The following KAZN variants were observed in gnomAD, a reference collection of about 807,000 sequenced individuals.
KAZN encodes kazrin, periplakin interacting protein, also known as kazrin.
KAZN carries 40 observed loss-of-function variants against 87.4 expected under a neutral mutation model. The observed-to-expected ratio is 0.46, with a 90% CI of 0.36 to 0.60. The LOEUF (loss-of-function observed/expected upper bound fraction) is 0.60. Among genes scored for constraint, KAZN ranks in the 20% least tolerant of loss-of-function variants. KAZN has a pLI of 0.00. For missense variants in KAZN, 898 were observed against 1,073.9 expected (o/e 0.84, Z 2.29); for synonymous variants, 466 against 458.3 (o/e 1.02, Z -0.22).
chr1:15,010,056 T>A (rs181420978), intron 2 of KAZN, among the ~76,000 whole-genome samples: 1 of 152,372 alleles, frequency 6.6e-6, no homozygotes, highest in African/African-American at 2.4e-5. Flanking sequence ...GATCCAAATA[T>A]CCACACAGTG....
chr1:14,189,347 A>C (rs1035982995), intron 2 of KAZN, among the ~76,000 whole-genome samples: 1 of 152,182 alleles, frequency 6.6e-6, no homozygotes, highest in Non-Finnish European at 1.5e-5. Context: ...AGTACAAAAC[A>C]AAGAGGAGCT....
intron 1 of KAZN, among the ~76,000 whole-genome samples, chr1:13,929,877 CAGT>C (rs1557727514): frequency 6.6e-6 from 1 of 152,178 alleles, no homozygotes; most frequent in East Asian, 1.9e-4. Context: ...CAACTGCCTG[CAGT>C]AGGTATTATT....
intron 2 of KAZN, among the ~76,000 whole-genome samples, chr1:14,984,851 T>G (rs1219655464): frequency 6.6e-6 from 1 of 151,782 alleles, no homozygotes; most frequent in Non-Finnish European, 1.5e-5. Context: ...ATAAAAGAAA[T>G]GGGTGATTCA....
At chr1:14,082,593 G>A (rs1643720922) in intron 1 of KAZN, among the ~76,000 whole-genome samples, 1 of 152,196 alleles carries the variant, frequency 6.6e-6, no homozygotes. Flanking sequence ...AACAAAATTA[G>A]ACCGAGTGCT....
intron 2 of KAZN, among the ~76,000 whole-genome samples, chr1:14,593,315 A>G (rs1443504292): frequency 2.0e-5 from 3 of 152,208 alleles, no homozygotes; most frequent in Non-Finnish European, 4.4e-5. Context: ...ATCAACCACA[A>G]ACTCTTTGGA....
intron 2 of KAZN, among the ~76,000 whole-genome samples, chr1:14,587,234 G>C: frequency 6.6e-6 from 1 of 151,948 alleles, no homozygotes; most frequent in Non-Finnish European, 1.5e-5. Flanking sequence ...TCAGGAGTTC[G>C]AGACCTGCCT....
chr1:14,172,266 G>T (rs1248841787), intron 1 of KAZN, among the ~76,000 whole-genome samples: 2 of 152,224 alleles, frequency 1.3e-5, no homozygotes, highest in African/African-American at 4.8e-5. Flanking sequence ...GCACTGTTTA[G>T]TTGAAATGTC....
chr1:14,095,318 C>G (rs1644103650), intron 1 of KAZN, among the ~76,000 whole-genome samples: 1 of 152,168 alleles, frequency 6.6e-6, no homozygotes, highest in Admixed American at 6.5e-5. Flanking sequence ...AATAGGTTTT[C>G]TTCTTACTTT....
chr1:14,125,982 T>G (rs1644857339), intron 1 of KAZN, among the ~76,000 whole-genome samples: 1 of 144,644 alleles, frequency 6.9e-6, no homozygotes, highest in Non-Finnish European at 1.5e-5. Context: ...GGGTGGGAGT[T>G]GCGGGCAGCT....
intron 1 of KAZN, among the ~76,000 whole-genome samples, chr1:14,050,230 A>G (rs1227805800): frequency 1.3e-5 from 2 of 150,112 alleles, no homozygotes; most frequent in Non-Finnish European, 3.0e-5. Context: ...GTGCACATGT[A>G]TATGTGTGGA....
intron 2 of KAZN, among the ~76,000 whole-genome samples, chr1:14,469,115 A>G (rs1483302877): frequency 1.3e-5 from 2 of 152,142 alleles, no homozygotes; most frequent in East Asian, 3.8e-4. Flanking sequence ...GATTAAGGCA[A>G]CAGTTTCCAT....
intron 2 of KAZN, among the ~76,000 whole-genome samples, chr1:14,997,313 T>G (rs893493461): frequency 7.3e-5 from 11 of 151,710 alleles, no homozygotes; most frequent in Non-Finnish European, 1.3e-4. Flanking sequence ...CGATCTCAGC[T>G]CACCAAAACC....
At chr1:14,622,475 G>A (rs1485931245) in intron 1 of KAZN, among the ~76,000 whole-genome samples, 1 of 151,790 alleles carries the variant, frequency 6.6e-6, no homozygotes, top group Non-Finnish European at 1.5e-5. Context: ...CGGATCACGA[G>A]GTCAGGAGAT....
At chr1:15,113,967 C>A in intron 14 of KAZN, 1 of 153,620 alleles carries the variant, frequency 6.5e-6, no homozygotes, top group South Asian at 2.0e-4. Flanking sequence ...GTGACTTGTC[C>A]AAGGTCACAC....
At chr1:14,544,320 G>GTTTT (rs772405367) in intron 2 of KAZN, among the ~76,000 whole-genome samples, 3 of 108,858 alleles carry the variant, frequency 2.8e-5, no homozygotes, top group Admixed American at 9.3e-5. Context: ...GAGATTTGGG[G>GTTTT]TTTTTTTTTT....
intron 2 of KAZN, among the ~76,000 whole-genome samples, chr1:14,342,679 G>A (rs1203109878): frequency 6.6e-6 from 1 of 152,228 alleles, no homozygotes; most frequent in Non-Finnish European, 1.5e-5. Flanking sequence ...GGAAGAAGGT[G>A]AGGAGAAAGA....
rs888202187 is a variant in KAZN at position 15,094,345 on chromosome 1, T to C, written c.1388T>C (p.Met463Thr). The change falls in exon 9 of 15, where the codon ATG (methionine) becomes ACG (threonine). Residue 463 changes from methionine (M) to threonine (T), a missense_variant. Coordinates refer to ENST00000376030, the MANE Select transcript of KAZN (RefSeq NM_201628.3). This position sits in a 1 kb window ranked among gnomAD's most constrained non-coding sequence, Gnocchi z 4.5. ...AWLEVVMAMP[M>T]YVKACTENVK... ...CTGGAGGTGGTGATGGCCATGCCTATGTACGTCAAGGCCTGCACGGAGAAC... is the reference window on the plus strand; with the variant it reads ...CTGGAGGTGGTGATGGCCATGCCTACGTACGTCAAGGCCTGCACGGAGAAC... 12 of 1,613,872 alleles carry C rather than the reference T, an allele frequency of 7.4e-6. No homozygotes were observed. The highest frequency in any genetic ancestry group is 9.3e-6 in the Non-Finnish European group (11 of 1,179,832).
intron 1 of KAZN, among the ~76,000 whole-genome samples, chr1:14,643,588 T>G (rs1557859562): frequency 6.6e-6 from 1 of 152,236 alleles, no homozygotes; most frequent in Non-Finnish European, 1.5e-5. Context: ...TTTAGTTTGA[T>G]TCCATGTCTT....
At chr1:14,867,620 G>T (rs117429643) in intron 1 of KAZN, among the ~76,000 whole-genome samples, 1 of 152,270 alleles carries the variant, frequency 6.6e-6, no homozygotes, top group East Asian at 1.9e-4. Context: ...ACTGATGTCA[G>T]GTGCTGCTGT....
Sources: allele counts gnomAD v4.1 joint callset (sites outside exome capture counted in the v4.1 genomes callset), GRCh38; gene constraint gnomAD v4.1.1; non-coding constraint Gnocchi (gnomAD v3.1); transcripts MANE v1.5; gene names NCBI Gene and HGNC (gene_info 2026-07-23, HGNC 2026-07-21).